Variants in FNDC3B observed in about 807,000 individuals in gnomAD.
The protein encoded by FNDC3B is fibronectin type III domain containing 3B.
Under a neutral mutation model 151.5 loss-of-function variants are expected in FNDC3B, and 12 were observed. That is an observed-to-expected ratio of 0.08 (90% CI 0.05 to 0.13). The LOEUF (loss-of-function observed/expected upper bound fraction) is 0.13. Among genes scored for constraint, FNDC3B ranks in the 10% least tolerant of loss-of-function variants. FNDC3B has a pLI of 1.00. For synonymous variants in FNDC3B, 528 were observed against 549.0 expected, an observed-to-expected ratio of 0.96 and a Z score of 0.54; for missense variants, 1,214 against 1,505.3, an observed-to-expected ratio of 0.81 and a Z score of 3.20.
At chr3:172,039,863 C>G (rs1451760937) in intron 1 of FNDC3B, 92 bp downstream of exon 1, 1 of 152,362 alleles carries the variant, frequency 6.6e-6, no homozygotes, top group Non-Finnish European at 1.5e-5. Flanking sequence ...GGCCTGACGC[C>G]GAGTCCGCCA....
Position 172,247,380 on chromosome 3 carries a change from G to A in FNDC3B, c.265-153G>A, listed in dbSNP as rs986143291. 2.6e-5 allele frequency among the ~76,000 whole-genome samples: 4 copies of A among 152,276 alleles called. No individual in the cohort carries two copies. In the South Asian group the frequency reaches 8.3e-4, roughly 32 times the overall value. ...ATGTTATTACTTCTAGAACTCATTT[G>A]ACTGGTTGAACTAGAGAACCAGAAT... On this transcript the variant is annotated intron_variant, in intron 4 of 25. Coordinates refer to ENST00000415807, the MANE Select transcript of FNDC3B (RefSeq NM_022763.4).
intron 1 of FNDC3B, among the ~76,000 whole-genome samples, chr3:172,098,725 C>T (rs1240419918): frequency 6.6e-6 from 1 of 152,144 alleles, no homozygotes; most frequent in Non-Finnish European, 1.5e-5. Context: ...GTTTCCCCTT[C>T]ACCTTGGGAA....
intron 6 of FNDC3B, among the ~76,000 whole-genome samples, chr3:172,280,575 TAGACAGA>T (rs1233081939): frequency 6.6e-5 from 10 of 152,216 alleles, no homozygotes; most frequent in African/African-American, 2.4e-4. Flanking sequence ...GGATAAGAAC[TAGACAGA>T]AGGTTTAGAG....
chr3:172,327,049 A>G (rs1161692079), intron 11 of FNDC3B, among the ~76,000 whole-genome samples: 1 of 152,194 alleles, frequency 6.6e-6, no homozygotes. Context: ...GGGCTCCCAT[A>G]GAGTGTGATC....
chr3:172,249,595 G>A (rs1456233983), intron 5 of FNDC3B, among the ~76,000 whole-genome samples: 4 of 152,062 alleles, frequency 2.6e-5, no homozygotes, highest in Non-Finnish European at 4.4e-5. Context: ...AGTTTTAAAA[G>A]TTTTCAACAT....
chr3:172,178,586 A>G (rs1036856736), intron 3 of FNDC3B, among the ~76,000 whole-genome samples: 2 of 152,166 alleles, frequency 1.3e-5, no homozygotes, highest in Admixed American at 6.5e-5. Flanking sequence ...GGCTGTAGCT[A>G]TGGGGGTAGC....
intron 3 of FNDC3B, among the ~76,000 whole-genome samples, chr3:172,182,014 A>G (rs1329229317): frequency 6.6e-6 from 1 of 152,146 alleles, no homozygotes; most frequent in Non-Finnish European, 1.5e-5. Flanking sequence ...ATTACCAAGC[A>G]TCTTGGGATG....
Position 172,147,310 on chromosome 3 carries a change from CA to C in FNDC3B, c.187+13779del, listed in dbSNP as rs34996209. 7.2e-3 allele frequency among the ~76,000 whole-genome samples: 976 copies of C among 135,040 alleles called. 12 individuals carry two copies. The highest frequency in any genetic ancestry group is 0.023 in the African/African-American group (850 of 36,570). The allele number at this position is 135,040 out of a possible 152,430, so 88.6% of individuals were successfully genotyped here. On this transcript the variant is annotated intron_variant, in intron 3 of 25. Transcript: ENST00000415807. Reference sequence around the variant, plus strand: ...GACAGAGTGAGACCCTGTCTCCAAACAAAAAAAAAAAAAAAGTGAGGTGAGA... The same window carrying C: ...GACAGAGTGAGACCCTGTCTCCAAACAAAAAAAAAAAAAAGTGAGGTGAGA...
chr3:172,120,972 A>C (rs1026931392), intron 2 of FNDC3B, among the ~76,000 whole-genome samples: 21 of 152,076 alleles, frequency 1.4e-4, no homozygotes, highest in Non-Finnish European at 2.2e-4. Flanking sequence ...CTCAAAAAAA[A>C]AACAACAACA....
At chr3:172,147,124 A>G (rs188238571) in intron 3 of FNDC3B, among the ~76,000 whole-genome samples, 35 of 152,112 alleles carry the variant, frequency 2.3e-4, no homozygotes, top group Admixed American at 2.3e-3. Context: ...AGGCCAACAT[A>G]GCAAAACCCT....
chr3:172,231,879 G>GTTTTTTT (rs33956893), intron 4 of FNDC3B, among the ~76,000 whole-genome samples: 5 of 104,502 alleles, frequency 4.8e-5, no homozygotes, highest in African/African-American at 1.8e-4. Context: ...TTTATTTACC[G>GTTTTTTT]TTTTTTTTTT....
At chr3:172,069,747 CAATTT>C (rs1717676326) in intron 1 of FNDC3B, among the ~76,000 whole-genome samples, 1 of 152,170 alleles carries the variant, frequency 6.6e-6, no homozygotes, top group Non-Finnish European at 1.5e-5. Flanking sequence ...TAGTCTTCTT[CAATTT>C]AATTGGCCTT....
Position 172,057,867 on chromosome 3 carries a change from T to C in FNDC3B, c.-29+18096T>C, listed in dbSNP as rs189784232. Among the ~76,000 whole-genome samples the C allele has an allele frequency of 4.0e-4, 60 of 151,286 alleles. No individual in the cohort carries two copies. The East Asian group carries it at 0.011, about 29-fold the overall frequency. On this transcript the variant is annotated intron_variant, in intron 1 of 25. Transcript: ENST00000415807. The stretch of plus-strand genomic sequence containing the variant: ...CCATTAGATTTGTTTGAGTGGCCCC[T>C]GGCTGGAAATGAAGAAAATTTAATT...
intron 3 of FNDC3B, among the ~76,000 whole-genome samples, chr3:172,165,302 A>C (rs1464279311): frequency 1.3e-5 from 2 of 152,130 alleles, no homozygotes; most frequent in East Asian, 3.9e-4. Context: ...GAGCCACCAC[A>C]TCTAGCCAGG....
chr3:172,220,125 A>C (rs1726202863), intron 3 of FNDC3B, among the ~76,000 whole-genome samples: 1 of 152,118 alleles, frequency 6.6e-6, no homozygotes, highest in Non-Finnish European at 1.5e-5. Context: ...GCAGTGTACA[A>C]GTTTCCAATT....
chr3:172,329,379 A>T (rs1049158118), intron 12 of FNDC3B: 1 of 297,842 alleles, frequency 3.4e-6, no homozygotes, highest in Non-Finnish European at 6.1e-6. Flanking sequence ...TTTTTAGATC[A>T]CATGCCTTTT....
At position 172,251,505 on chromosome 3, in the gene FNDC3B, A is replaced by G; in HGVS notation, c.754A>G (p.Arg252Gly). Residue 252 changes from arginine to glycine, a missense_variant, in exon 6 of 26, where the codon AGA (arginine) becomes GGA (glycine). By Grantham distance (125) the Arg-to-Gly change is moderately radical. This residue lies in a region of FNDC3B where 166 missense variants were observed against 173.2 expected (regional missense o/e 0.96). Coordinates refer to ENST00000415807, the MANE Select transcript of FNDC3B (RefSeq NM_022763.4). ...AATTAAGAAAACAGAGCGACGAGCA[A>G]GAAGCAGCCCAAAGTCGAATGATTC... ...PGIKKTERRARSSPKSNDSDL... is the reference protein window; with the variant it reads ...PGIKKTERRAGSSPKSNDSDL... 6.2e-7 allele frequency: 1 copy of G among 1,613,972 alleles called. No individual in the cohort carries two copies. Among genetic ancestry groups the G allele is most frequent in the Non-Finnish European group, 8.5e-7 (1 of 1,179,924 alleles).
At chr3:172,172,574 G>T (rs1273403007) in intron 3 of FNDC3B, among the ~76,000 whole-genome samples, 2 of 152,142 alleles carry the variant, frequency 1.3e-5, no homozygotes, top group Non-Finnish European at 2.9e-5. Flanking sequence ...AAGTAGAACT[G>T]GTATTGAAGA....
chr3:172,297,691 G>A (rs368185746), intron 8 of FNDC3B, among the ~76,000 whole-genome samples: 6 of 152,120 alleles, frequency 3.9e-5, no homozygotes, highest in South Asian at 2.1e-4. Flanking sequence ...AGCCAGGATG[G>A]TCTCGATCTC....
Sources: allele counts gnomAD v4.1 joint callset (sites outside exome capture counted in the v4.1 genomes callset), GRCh38; gene constraint gnomAD v4.1.1; regional missense constraint gnomAD v4.1.1; transcripts MANE v1.5; gene names NCBI Gene and HGNC (gene_info 2026-07-23, HGNC 2026-07-21).